CACNA2D2: variants seen among roughly 807,000 people sequenced by gnomAD.
CACNA2D2 encodes calcium voltage-gated channel auxiliary subunit alpha2delta 2.
In CACNA2D2, 48 loss-of-function variants were observed where a neutral mutation model predicts 166.4. The ratio of observed to expected loss-of-function variants is 0.29; its 90% CI spans 0.23 to 0.37. CACNA2D2 has a LOEUF of 0.37. CACNA2D2 is among the 10% of genes least tolerant of loss of function. The pLI, the probability that CACNA2D2 is intolerant of heterozygous loss-of-function variation, is 1.00. For synonymous variants in CACNA2D2, 561 were observed against 573.7 expected (o/e 0.98, Z 0.32); for missense variants, 1,122 against 1,433.0 (o/e 0.78, Z 3.50).
In CACNA2D2 at chr3:50,378,027, T is replaced by A. The variant is rs757932137; in HGVS notation, c.1460A>T (p.Asn487Ile). Residue 487 changes from asparagine to isoleucine, a missense_variant, in exon 15 of 38, where the codon AAC becomes ATC. By Grantham distance (149) the Asn-to-Ile change is moderately radical. Transcript: ENST00000424201. ...CCTTACCAGTGCATCCTCATACACG[T>A]TGGTCCACTGCACCTGCTTGGCCTC... ...GKEAKQVQWT[N>I]VYEDALGLGL... 2 of 1,613,694 alleles carry A rather than the reference T, an allele frequency of 1.2e-6. No individual in the cohort carries two copies.
intron 4 of CACNA2D2, 103 bp from the exon 5 acceptor site, chr3:50,387,715 CAG>C: frequency 1.1e-6 from 1 of 885,176 alleles, no homozygotes; most frequent in Non-Finnish European, 1.8e-6. Context: ...TCCTCTGGGG[CAG>C]AGACTGTCCC....
chr3:50,444,938 C>A (rs1194024902), intron 2 of CACNA2D2, among the ~76,000 whole-genome samples: 2 of 152,170 alleles, frequency 1.3e-5, no homozygotes, highest in East Asian at 3.8e-4. Flanking sequence ...CACACACTGA[C>A]CTCACCACAT....
At chr3:50,374,684 G>A in intron 22 of CACNA2D2, 53 bp downstream of exon 22, 2 of 1,550,496 alleles carry the variant, frequency 1.3e-6, no homozygotes, top group Non-Finnish European at 8.7e-7. Context: ...GGGCCGGCCA[G>A]GGTGCGGGGC....
intron 4 of CACNA2D2, among the ~76,000 whole-genome samples, chr3:50,389,280 G>A (rs1470032036): frequency 2.0e-5 from 3 of 152,210 alleles, no homozygotes; most frequent in Non-Finnish European, 2.9e-5. Flanking sequence ...TTCAGTTGAC[G>A]AAGATCATTC....
rs571683819 is a variant in CACNA2D2 at position 50,414,461 on chromosome 3, C to A, written c.405+19852G>T. 2.0e-5 allele frequency among the ~76,000 whole-genome samples: 3 copies of A among 152,282 alleles called. No homozygotes were observed. The East Asian group carries it at 5.8e-4, about 29-fold the overall frequency. On this transcript the variant is annotated intron_variant, in intron 3 of 37. Transcript: ENST00000424201. ...GAGGTCAAAGCAGGGCTGGCAAGAG[C>A]AGACCCTGCTGCCTCCTCTAGGGTA...
At position 50,363,130 on chromosome 3, in the gene CACNA2D2, GTA is replaced by G. The variant is rs371642003; in HGVS notation, c.*1534_*1535del. ...TTAAACTTAAAATATATATTTTTCTGTATATGTTTATATTCTCCATTGAGCAC... is the reference window on the plus strand; with the variant it reads ...TTAAACTTAAAATATATATTTTTCTGTATGTTTATATTCTCCATTGAGCAC... On this transcript the variant is annotated 3_prime_UTR_variant, in exon 38 of 38. Coordinates refer to ENST00000424201, the MANE Select transcript of CACNA2D2 (RefSeq NM_006030.4). 3.8e-5 allele frequency: 15 copies of G among 398,762 alleles called. No homozygotes were observed. The highest frequency in any genetic ancestry group is 2.9e-4 in the African/African-American group (14 of 48,700). 24.7% of individuals were successfully genotyped at this position (398,762 alleles called of 1,614,324 possible).
chr3:50,399,509 G>A (rs374703714), intron 3 of CACNA2D2, among the ~76,000 whole-genome samples: 2 of 152,244 alleles, frequency 1.3e-5, no homozygotes, highest in South Asian at 4.1e-4. Flanking sequence ...TATGCCCTGA[G>A]AATGTTGCCG....
intron 3 of CACNA2D2, among the ~76,000 whole-genome samples, chr3:50,428,374 G>A (rs1707899290): frequency 6.6e-6 from 1 of 150,550 alleles, no homozygotes. Flanking sequence ...GACAAAGGGA[G>A]CGGTCTGCTG....
Position 50,381,140 on chromosome 3 carries a change from G to A in CACNA2D2, c.653-14C>T, listed in dbSNP as rs1705292023. Reference sequence around the variant, plus strand: ...GGATGACAGTGGCTGGGGGGAAGCGGGGAGCTGGGGTGGGGAGCACCTGGG... The same window carrying A: ...GGATGACAGTGGCTGGGGGGAAGCGAGGAGCTGGGGTGGGGAGCACCTGGG... On this transcript the variant is annotated splice_polypyrimidine_tract_variant and intron_variant, in intron 6 of 37. Transcript: ENST00000424201. 1 of 1,613,198 alleles carries A rather than the reference G, an allele frequency of 6.2e-7. No individual in the cohort carries two copies. Among genetic ancestry groups the A allele is most frequent in the African/African-American group, 1.3e-5 (1 of 74,950 alleles).
chr3:50,388,762 C>T (rs1176491351), intron 4 of CACNA2D2, among the ~76,000 whole-genome samples: 1 of 152,226 alleles, frequency 6.6e-6, no homozygotes, highest in Admixed American at 6.5e-5. Context: ...TGACTGCCCA[C>T]GGGCTCCGTC....
chr3:50,376,280 C>G lies in CACNA2D2; in HGVS notation c.1627-92G>C, dbSNP rs587702936. 627 of 1,310,676 alleles carry G rather than the reference C, an allele frequency of 4.8e-4. 1 individual carries two copies. The highest frequency in any genetic ancestry group is 2.9e-3 in the South Asian group (232 of 79,768). The allele number at this position is 1,310,676 out of a possible 1,614,324, so 81.2% of individuals were successfully genotyped here. A position where few individuals can be genotyped will look rare whatever the true frequency, so the allele number is the denominator to read the frequency against. Reference sequence around the variant, plus strand: ...CTTCCCTATTTGGCCTCCCACCGCACCGAGAGATTCTGTTTGCCTGCCTTG... The same window carrying G: ...CTTCCCTATTTGGCCTCCCACCGCAGCGAGAGATTCTGTTTGCCTGCCTTG... On this transcript the variant is annotated intron_variant, in intron 17 of 37. Coordinates refer to ENST00000424201, the MANE Select transcript of CACNA2D2 (RefSeq NM_006030.4). This position sits in a 1 kb window ranked among gnomAD's most constrained non-coding sequence, Gnocchi z 4.3.
chr3:50,447,724 T>TCCTGCCTGCACCCTGAGCTGGCAGCCTC (rs1708917165), intron 2 of CACNA2D2, among the ~76,000 whole-genome samples: 1 of 152,054 alleles, frequency 6.6e-6, no homozygotes, highest in African/African-American at 2.4e-5. Context: ...CCTCCAGGTT[T>TCCTGCCTGCACCCTGAGCTGGCAGCCTC]CCTGCCTGCA....
Position 50,374,763 on chromosome 3 carries a change from A to G in CACNA2D2, c.1958T>C (p.Leu653Pro). The G allele has an allele frequency of 6.3e-7, 1 of 1,598,534 alleles. No individual in the cohort carries two copies. The highest frequency in any genetic ancestry group is 8.5e-7 in the Non-Finnish European group (1 of 1,173,372). The change falls in exon 22 of 38, where the codon CTC (leucine) becomes CCC (proline). Residue 653 changes from leucine to proline, a missense_variant. By Grantham distance (98) the Leu-to-Pro change is moderately conservative. This residue lies in a region of CACNA2D2 where 840 missense variants were observed against 1,166.8 expected (regional missense o/e 0.72). Transcript: ENST00000424201. The part of the protein sequence containing the change: ...PYSTFYLQAN[L>P]SDQILQVKYF... ...CTTGACCTGCAGGATCTGGTCACTG[A>G]GATTGGCTTGGAGGTAGAAGGTGCT...
Position 50,367,819 on chromosome 3 carries a change from G to A in CACNA2D2, c.2227C>T (p.Leu743Phe), listed in dbSNP as rs1396472503. The A allele has an allele frequency of 6.2e-7, 1 of 1,611,158 alleles. No homozygotes were observed. The highest frequency in any genetic ancestry group is 8.5e-7 in the Non-Finnish European group (1 of 1,178,594). Residue 743 changes from leucine (L) to phenylalanine (F), a missense_variant, in exon 25 of 38, where the codon CTC (leucine) becomes TTC (phenylalanine). Physicochemically the swap from Leu to Phe is conservative, Grantham distance 22 (BLOSUM62 0). Coordinates refer to ENST00000424201, the MANE Select transcript of CACNA2D2 (RefSeq NM_006030.4). This position sits in a 1 kb window ranked among gnomAD's most constrained non-coding sequence, Gnocchi z 6.5. ...AGGCTGGGTGATGCCTACGTGTTGA[G>A]ATCCTGGTCCCTCCACACACGCTCT... ...LVERVWRDQD[L>F]NTYSLLAVFA...
chr3:50,488,149 G>A (rs781303298), intron 1 of CACNA2D2, among the ~76,000 whole-genome samples: 1 of 152,162 alleles, frequency 6.6e-6, no homozygotes, highest in Non-Finnish European at 1.5e-5. Context: ...CACAACATAT[G>A]CAAGGCCCAG....
At chr3:50,476,933 T>C (rs1348025080) in intron 1 of CACNA2D2, among the ~76,000 whole-genome samples, 1 of 148,736 alleles carries the variant, frequency 6.7e-6, no homozygotes, top group South Asian at 2.1e-4. Flanking sequence ...CTTTTTCTTT[T>C]TTTTTTTTTT....
At chr3:50,498,337 A>G (rs575866505) in intron 1 of CACNA2D2, among the ~76,000 whole-genome samples, 94 of 152,084 alleles carry the variant, frequency 6.2e-4, no homozygotes, top group Non-Finnish European at 1.0e-3. Flanking sequence ...AGCCCTGTGA[A>G]GTCCCCTCAG....
At chr3:50,489,424 T>C (rs1230326866) in intron 1 of CACNA2D2, among the ~76,000 whole-genome samples, 7 of 152,210 alleles carry the variant, frequency 4.6e-5, no homozygotes, top group East Asian at 1.9e-4. Context: ...TTTGGGATTG[T>C]TCCCCACAAC....
intron 1 of CACNA2D2, among the ~76,000 whole-genome samples, chr3:50,500,316 G>A (rs1290935760): frequency 6.6e-6 from 1 of 152,184 alleles, no homozygotes; most frequent in Non-Finnish European, 1.5e-5. Flanking sequence ...GGCTAAGAGG[G>A]TGCAGTCAGG....
Sources: allele counts gnomAD v4.1 joint callset (sites outside exome capture counted in the v4.1 genomes callset), GRCh38; gene constraint gnomAD v4.1.1; regional missense constraint gnomAD v4.1.1; non-coding constraint Gnocchi (gnomAD v3.1); transcripts MANE v1.5; gene names NCBI Gene and HGNC (gene_info 2026-07-23, HGNC 2026-07-21).